Variants in KIF20B observed in about 807,000 individuals in gnomAD.
KIF20B encodes the protein kinesin-like protein KIF20B.
KIF20B carries 188 observed loss-of-function variants against 232.5 expected under a neutral mutation model. The ratio of observed to expected loss-of-function variants is 0.81; its 90% CI spans 0.72 to 0.91. KIF20B has a LOEUF of 0.91. Among genes scored for constraint, KIF20B ranks in the 40% least tolerant of loss-of-function variants. The pLI is 0.00. For missense variants in KIF20B, 2,154 were observed against 2,055.9 expected, an observed-to-expected ratio of 1.05 and a Z score of -0.92; for synonymous variants, 712 against 683.0, an observed-to-expected ratio of 1.04 and a Z score of -0.66.
At chr10:89,746,026 G>A in intron 23 of KIF20B, 67 bp downstream of exon 23, 1 of 1,151,638 alleles carries the variant, frequency 8.7e-7, no homozygotes, top group Non-Finnish European at 1.3e-6. Context: ...GGCATGCGAT[G>A]GGGGTATGAC....
intron 31 of KIF20B, 79 bp downstream of exon 31, chr10:89,768,967 A>C: frequency 8.6e-7 from 1 of 1,168,800 alleles, no homozygotes; most frequent in Non-Finnish European, 1.2e-6. Flanking sequence ...ATATAAACTC[A>C]ACAGCTGTTC....
intron 21 of KIF20B, 86 bp downstream of exon 21, chr10:89,739,182 G>T: frequency 7.4e-7 from 1 of 1,353,554 alleles, no homozygotes; most frequent in Non-Finnish European, 1.0e-6. Context: ...TCTTAGGATT[G>T]AATAGAACAT....
Position 89,773,981 on chromosome 10 carries a change from A to G in KIF20B, c.5396A>G (p.Asp1799Gly). 1 of 1,560,484 alleles carries G rather than the reference A, an allele frequency of 6.4e-7. No homozygotes were observed. Among genetic ancestry groups the G allele is most frequent in the South Asian group, 1.3e-5 (1 of 79,010 alleles). The change falls in exon 33 of 33, where the codon GAC becomes GGC. Residue 1799 changes from aspartate (D) to glycine (G), a missense_variant. Coordinates refer to ENST00000371728, the MANE Select transcript of KIF20B (RefSeq NM_001284259.2). ...AATTTTTAATTTCAGATTTTAATGG[A>G]CCAGAAAATGAAGGAGAGTGATCAC... is the stretch of plus-strand genomic sequence containing the variant. ...IDISGQVILM[D>G]QKMKESDHQI...
chr10:89,733,400 A>G (rs967284953), intron 19 of KIF20B, among the ~76,000 whole-genome samples: 1 of 152,094 alleles, frequency 6.6e-6, no homozygotes, highest in African/African-American at 2.4e-5. Context: ...CTTTGTTTGC[A>G]TTCTTTATTC....
intron 5 of KIF20B, 131 bp downstream of exon 5, chr10:89,710,196 C>CAATACGTAATA: frequency 1.6e-6 from 1 of 637,350 alleles, no homozygotes; most frequent in Non-Finnish European, 2.5e-6. Context: ...ATAGTACTAG[C>CAATACGTAATA]ATATTATTAC....
chr10:89,721,176 T>G (rs914899575), intron 13 of KIF20B, among the ~76,000 whole-genome samples: 6 of 152,220 alleles, frequency 3.9e-5, no homozygotes, highest in African/African-American at 1.4e-4. Flanking sequence ...AGAACGATGA[T>G]GTATTAGGCT....
chr10:89,718,589 A>T, intron 11 of KIF20B, 121 bp from the exon 12 acceptor site: 1 of 721,306 alleles, frequency 1.4e-6, no homozygotes, highest in East Asian at 2.7e-5. Flanking sequence ...GAAACTAATC[A>T]CTACCCTAAA....
chr10:89,750,219 T>C (rs1841995440), intron 23 of KIF20B, among the ~76,000 whole-genome samples: 2 of 152,174 alleles, frequency 1.3e-5, no homozygotes, highest in Admixed American at 1.3e-4. Flanking sequence ...TAATTGATAA[T>C]TAGATTTGTA....
chr10:89,706,714 T>C (rs1440328203), intron 2 of KIF20B, among the ~76,000 whole-genome samples: 1 of 152,120 alleles, frequency 6.6e-6, no homozygotes, highest in Non-Finnish European at 1.5e-5. Flanking sequence ...TTTGGTGCTT[T>C]ACAAACGGCT....
chr10:89,709,498 TAAAG>T, intron 4 of KIF20B, 37 bp downstream of exon 4: 1 of 1,372,696 alleles, frequency 7.3e-7, no homozygotes, highest in African/African-American at 1.4e-5. Flanking sequence ...GTTTTAAAGA[TAAAG>T]AGACTTGGCT....
Position 89,709,179 on chromosome 10 carries a change from G to T in KIF20B, c.160G>T (p.Glu54Ter). The T allele has an allele frequency of 1.2e-6, 2 of 1,605,002 alleles. No individual in the cohort carries two copies. The highest frequency in any genetic ancestry group is 1.7e-6 in the Non-Finnish European group (2 of 1,174,058). Residue 54 changes from glutamate (E) to a stop codon, truncating the protein, a stop_gained, in exon 3 of 33, where the codon GAA becomes TAA. Coordinates refer to ENST00000371728, the MANE Select transcript of KIF20B (RefSeq NM_001284259.2). LOFTEE classifies it high-confidence loss of function. ...VAPNTEANSF[E>*]SKDYLQVCLR... ...TTTATTTTTTAAGGCAAACAGTTTC[G>T]AATCTAAAGATTATCTCCAGGTTTG...
chr10:89,711,704 A>G (rs1254173142), intron 6 of KIF20B, among the ~76,000 whole-genome samples: 1 of 151,868 alleles, frequency 6.6e-6, no homozygotes, highest in East Asian at 1.9e-4. Context: ...CAAAAAAGAG[A>G]TCTTACTATG....
In KIF20B at chr10:89,726,522, G is replaced by C; in HGVS notation, c.2230+1G>C. 1.3e-6 allele frequency: 2 copies of C among 1,572,378 alleles called. No individual in the cohort carries two copies. The highest frequency in any genetic ancestry group is 1.7e-6 in the Non-Finnish European group (2 of 1,155,504). Reference sequence around the variant, plus strand: ...GAAGAGTTAAAAAAGAGAGAAAATGGTAAGTGGATACATTTTACTTTTATT... The same window carrying C: ...GAAGAGTTAAAAAAGAGAGAAAATGCTAAGTGGATACATTTTACTTTTATT... On this transcript the variant is annotated splice_donor_variant, in intron 16 of 32. Coordinates refer to ENST00000371728, the MANE Select transcript of KIF20B (RefSeq NM_001284259.2). LOFTEE classifies it high-confidence loss of function.
At chr10:89,702,080 TTATTAA>T (rs1226085196) in intron 1 of KIF20B, among the ~76,000 whole-genome samples, 3 of 152,200 alleles carry the variant, frequency 2.0e-5, no homozygotes, top group African/African-American at 7.2e-5. Context: ...ATGTTTGCAG[TTATTAA>T]TATTATTATT....
At chr10:89,739,815 C>T (rs74147648) in intron 21 of KIF20B, among the ~76,000 whole-genome samples, 4,166 of 152,044 alleles carry the variant, frequency 0.027, 197 homozygotes, top group African/African-American at 0.095. Context: ...ATAATTTAAC[C>T]ATATTTTTTA....
intron 14 of KIF20B, among the ~76,000 whole-genome samples, chr10:89,724,372 G>A (rs1843131295): frequency 2.0e-5 from 3 of 151,916 alleles, no homozygotes. Context: ...ACTAAAAATA[G>A]AAAAATTAGC....
chr10:89,702,771 T>G (rs1842639101), intron 1 of KIF20B, among the ~76,000 whole-genome samples: 1 of 133,064 alleles, frequency 7.5e-6, no homozygotes, highest in Non-Finnish European at 1.6e-5. Context: ...TTTTTTTTTT[T>G]GGAATAGTAT....
At chr10:89,731,492 A>G (rs894288862) in intron 18 of KIF20B, among the ~76,000 whole-genome samples, 5 of 152,202 alleles carry the variant, frequency 3.3e-5, no homozygotes, top group Admixed American at 6.5e-5. Context: ...CAGTTGATCT[A>G]GGGTCACTGT....
At chr10:89,714,106 T>G (rs774728337) in intron 7 of KIF20B, 23 bp downstream of exon 7, 2 of 1,320,990 alleles carry the variant, frequency 1.5e-6, no homozygotes, top group African/African-American at 3.0e-5. Flanking sequence ...TGCTCACTTA[T>G]CTTTGATGTA....
Sources: allele counts gnomAD v4.1 joint callset (sites outside exome capture counted in the v4.1 genomes callset), GRCh38; gene constraint gnomAD v4.1.1; transcripts MANE v1.5; gene names NCBI Gene and HGNC (gene_info 2026-07-23, HGNC 2026-07-21).